Variants in TMEM117 observed in about 807,000 individuals in gnomAD.
TMEM117 encodes transmembrane protein 117.
In TMEM117, 27 loss-of-function variants were observed where a neutral mutation model predicts 52.4. That is an observed-to-expected ratio of 0.51 (90% CI 0.38 to 0.71). The LOEUF (loss-of-function observed/expected upper bound fraction) is 0.71. TMEM117 is among the 30% of genes least tolerant of loss of function. TMEM117 has a pLI of 0.00. For missense variants in TMEM117, 556 were observed against 630.5 expected, an observed-to-expected ratio of 0.88 and a Z score of 1.26; for synonymous variants, 215 against 206.3, an observed-to-expected ratio of 1.04 and a Z score of -0.36.
chr12:44,302,941 C>CTG (rs900426345), intron 6 of TMEM117, among the ~76,000 whole-genome samples: 1 of 152,150 alleles, frequency 6.6e-6, no homozygotes, highest in African/African-American at 2.4e-5. Context: ...ATTAGTGTCA[C>CTG]TGAAACACCT....
the TMEM117 span, among the ~76,000 whole-genome samples, chr12:43,810,233 T>G: frequency 6.6e-6 from 1 of 152,194 alleles, no homozygotes; most frequent in Non-Finnish European, 1.5e-5. Flanking sequence ...TTGAATCTCT[T>G]TCTCATTATC....
chr12:43,886,044 G>A (rs118169008), intron 2 of TMEM117, among the ~76,000 whole-genome samples: 102 of 152,294 alleles, frequency 6.7e-4, no homozygotes, highest in Middle Eastern at 6.8e-3. Context: ...GGAACCTTGT[G>A]TATCATATTA....
intron 5 of TMEM117, among the ~76,000 whole-genome samples, chr12:44,281,980 A>G (rs1175214599): frequency 6.6e-6 from 1 of 152,156 alleles, no homozygotes; most frequent in Non-Finnish European, 1.5e-5. Flanking sequence ...CACGTGTTGT[A>G]GGAGGGATCC....
downstream of TMEM117, among the ~76,000 whole-genome samples, chr12:44,394,332 A>G (rs1952172558): frequency 6.6e-6 from 1 of 152,170 alleles, no homozygotes; most frequent in Non-Finnish European, 1.5e-5. Context: ...TGTGAGGTGA[A>G]TATGACAGGC....
At chr12:44,316,986 A>ATTTCTT (rs892809271) in intron 6 of TMEM117, among the ~76,000 whole-genome samples, 1 of 142,770 alleles carries the variant, frequency 7.0e-6, no homozygotes, top group Non-Finnish European at 1.5e-5. Flanking sequence ...TTCTTCAGAA[A>ATTTCTT]TTTCTTTTTC....
intron 2 of TMEM117, among the ~76,000 whole-genome samples, chr12:43,864,541 A>G (rs940362578): frequency 3.3e-5 from 5 of 152,110 alleles, no homozygotes; most frequent in Non-Finnish European, 7.4e-5. Context: ...TTGTAAATAC[A>G]CCAATCAGCA....
At chr12:44,161,172 T>C (rs2138253979) in intron 4 of TMEM117, among the ~76,000 whole-genome samples, 1 of 152,294 alleles carries the variant, frequency 6.6e-6, no homozygotes, top group South Asian at 2.1e-4. Flanking sequence ...TAAACACAAA[T>C]TAAACCCTGG....
chr12:44,314,822 C>T (rs1328870198), intron 6 of TMEM117, among the ~76,000 whole-genome samples: 1 of 152,116 alleles, frequency 6.6e-6, no homozygotes, highest in Non-Finnish European at 1.5e-5. Context: ...GAAATAGTTT[C>T]AATAGAATTA....
At chr12:43,860,303 G>A (rs763664247) in intron 2 of TMEM117, among the ~76,000 whole-genome samples, 7 of 152,236 alleles carry the variant, frequency 4.6e-5, no homozygotes, top group Non-Finnish European at 5.9e-5. Context: ...AATGATATAG[G>A]ACTTGATTTT....
intron 4 of TMEM117, among the ~76,000 whole-genome samples, chr12:44,172,506 A>T (rs1433921501): frequency 6.6e-6 from 1 of 152,118 alleles, no homozygotes; most frequent in Non-Finnish European, 1.5e-5. Context: ...TCCTATTAGG[A>T]CACCAGTCAT....
chr12:44,151,954 A>G (rs534247299), intron 4 of TMEM117, among the ~76,000 whole-genome samples: 2,220 of 122,994 alleles, frequency 0.018, 55 homozygotes, highest in African/African-American at 0.054. Context: ...ATTACATAAT[A>G]TATTATATAA....
At chr12:44,143,085 T>C (rs1279697068) in intron 3 of TMEM117, among the ~76,000 whole-genome samples, 1 of 152,236 alleles carries the variant, frequency 6.6e-6, no homozygotes, top group Non-Finnish European at 1.5e-5. Context: ...TATGATGTTA[T>C]ATCTAAAGCC....
chr12:44,375,645 A>G (rs551667594), intron 6 of TMEM117, among the ~76,000 whole-genome samples: 44 of 152,340 alleles, frequency 2.9e-4, no homozygotes, highest in African/African-American at 9.1e-4. Flanking sequence ...TCAAAATCTC[A>G]AATTAATATT....
At chr12:43,936,142 C>G (rs1338327385) in intron 2 of TMEM117, among the ~76,000 whole-genome samples, 1 of 151,626 alleles carries the variant, frequency 6.6e-6, no homozygotes, top group Non-Finnish European at 1.5e-5. Flanking sequence ...TCTATTGGCT[C>G]TGTGGTGGAT....
intron 2 of TMEM117, among the ~76,000 whole-genome samples, chr12:43,905,728 T>A (rs1447729318): frequency 6.6e-6 from 1 of 152,154 alleles, no homozygotes; most frequent in Non-Finnish European, 1.5e-5. Flanking sequence ...TTCTATGAAT[T>A]TCTGGATGTG....
intron 4 of TMEM117, among the ~76,000 whole-genome samples, chr12:44,190,064 G>A (rs1213799804): frequency 2.0e-5 from 3 of 152,178 alleles, no homozygotes; most frequent in East Asian, 1.9e-4. Flanking sequence ...TGAACTGTGC[G>A]CACAGTATGG....
chr12:43,923,454 A>G (rs1035554612), intron 2 of TMEM117, among the ~76,000 whole-genome samples: 2 of 152,216 alleles, frequency 1.3e-5, no homozygotes, highest in Non-Finnish European at 2.9e-5. Context: ...TATAACAGGT[A>G]TCCCTGTTTT....
chr12:44,073,330 C>T (rs1947332327), intron 3 of TMEM117, among the ~76,000 whole-genome samples: 1 of 152,140 alleles, frequency 6.6e-6, no homozygotes, highest in Non-Finnish European at 1.5e-5. Flanking sequence ...TTCTGCTTTC[C>T]TTCCTATTGG....
chr12:44,310,572 A>T (rs958985090), intron 6 of TMEM117, among the ~76,000 whole-genome samples: 1 of 152,158 alleles, frequency 6.6e-6, no homozygotes, highest in Non-Finnish European at 1.5e-5. Context: ...CTGGAGGCGG[A>T]GGTTGGGGTG....
Sources: allele counts gnomAD v4.1 joint callset (sites outside exome capture counted in the v4.1 genomes callset), GRCh38; gene constraint gnomAD v4.1.1; transcripts MANE v1.5; gene names NCBI Gene and HGNC (gene_info 2026-07-23, HGNC 2026-07-21).